DSP: variants seen among roughly 807,000 people sequenced by gnomAD.
DSP encodes desmoplakin, also known as 250/210 kDa paraneoplastic pemphigus antigen.
Under a neutral mutation model 290.6 loss-of-function variants are expected in DSP, and 114 were observed. That is an observed-to-expected ratio of 0.39 (90% CI 0.34 to 0.46). The LOEUF is 0.46. Ranked by LOEUF, DSP falls within the 20% of genes least tolerant of loss-of-function variation. The pLI, the probability that DSP is intolerant of heterozygous loss-of-function variation, is 0.99. For missense variants in DSP, 3,230 were observed against 3,495.8 expected (o/e 0.92, Z 1.92); for synonymous variants, 1,311 against 1,316.4 (o/e 1.00, Z 0.09).
intron 2 of DSP, among the ~76,000 whole-genome samples, chr6:7,556,572 G>C (rs1408885838): frequency 6.6e-6 from 1 of 152,152 alleles, no homozygotes; most frequent in Non-Finnish European, 1.5e-5. Context: ...GTTACATCTG[G>C]CATCTGCCTC....
In DSP at chr6:7,573,008, T is replaced by C. The variant is rs1322228776; in HGVS notation, c.2130+940T>C. ...GGCTGGATGCAGGGGCACATGCCTG[T>C]AATCCCAGCTACTTGCTTGAGCTCA... On this transcript the variant is annotated intron_variant, in intron 15 of 23. Transcript: ENST00000379802. 2.6e-5 allele frequency among the ~76,000 whole-genome samples: 4 copies of C among 152,308 alleles called. No homozygotes were observed. The East Asian group carries it at 7.7e-4, about 29-fold the overall frequency.
Position 7,580,353 on chromosome 6 carries a change from C to G in DSP, c.4163C>G (p.Thr1388Ser). 6.2e-7 allele frequency: 1 copy of G among 1,614,094 alleles called. No individual in the cohort carries two copies. Among genetic ancestry groups the G allele is most frequent in the Non-Finnish European group, 8.5e-7 (1 of 1,180,012 alleles). The stretch of plus-strand genomic sequence containing the variant: ...CTCACCATGCAGAAGGAAGAGGATA[C>G]CAGTGGCTACCGGGCTCAGATAGAC... ...HQLTMQKEEDTSGYRAQIDNL... is the reference protein window; with the variant it reads ...HQLTMQKEEDSSGYRAQIDNL... The change falls in exon 23 of 24, where the codon ACC becomes AGC. Residue 1388 changes from threonine (T) to serine (S), a missense_variant. Physicochemically the swap from Thr to Ser is moderately conservative, Grantham distance 58. Around this residue, in one of 5 missense-constraint regions of DSP, gnomAD observed 1,714 missense variants for 1,844.5 expected, o/e 0.93. Transcript: ENST00000379802. The surrounding 1 kb of genome is among the most constrained non-coding windows in gnomAD (Gnocchi z 4.2).
rs5874101 is a variant in DSP at position 7,551,629 on chromosome 6, C to CA, written c.171-4077dup. ...TGGGCGACAGAGTGAGACTCCTTCT[C>CA]AAAAAAAAAAAACAGGCATGTTTCC... On this transcript the variant is annotated intron_variant, in intron 1 of 23. Transcript: ENST00000379802. Among the ~76,000 whole-genome samples, 187 of 143,450 alleles carry CA rather than the reference C, an allele frequency of 1.3e-3. 1 individual carries two copies. The highest frequency in any genetic ancestry group is 2.5e-3 in the East Asian group (12 of 4,874). 94.1% of individuals were successfully genotyped at this position (143,450 alleles called of 152,430 possible). A position where few individuals can be genotyped will look rare whatever the true frequency, so the allele number is the denominator to read the frequency against.
In DSP at chr6:7,576,384, C is replaced by A; in HGVS notation, c.2721C>A (p.Arg907=). ...GCAAGTGGCTCTATGATGCTAAACGCCGCCAGGATTCCTTAGAATCCATGA... is the reference window on the plus strand; with the variant it reads ...GCAAGTGGCTCTATGATGCTAAACGACGCCAGGATTCCTTAGAATCCATGA... ...AFCKWLYDAK[R]RQDSLESMKF... The change falls in exon 19 of 24, where the codon CGC becomes CGA. Residue 907 remains arginine, a synonymous_variant. Transcript: ENST00000379802. 6.2e-7 allele frequency: 1 copy of A among 1,614,118 alleles called. No homozygotes were observed. The highest frequency in any genetic ancestry group is 8.5e-7 in the Non-Finnish European group (1 of 1,180,018).
In DSP at chr6:7,582,101, T is replaced by C. The variant is rs1208210497; in HGVS notation, c.5379+532T>C. On this transcript the variant is annotated intron_variant, in intron 23 of 23. Transcript: ENST00000379802. This position sits in a 1 kb window ranked among gnomAD's most constrained non-coding sequence, Gnocchi z 4.2. ...TAACCCTTAATTTAAAAATAACTTA[T>C]TTAACTTCTACAGACAATATTTGTG... 6.6e-6 allele frequency among the ~76,000 whole-genome samples: 1 copy of C among 150,878 alleles called. No individual in the cohort carries two copies. The highest frequency in any genetic ancestry group is 1.5e-5 in the Non-Finnish European group (1 of 67,766).
chr6:7,556,324 G>A (rs970748967), intron 2 of DSP, among the ~76,000 whole-genome samples: 3 of 152,122 alleles, frequency 2.0e-5, no homozygotes, highest in South Asian at 2.1e-4. Context: ...AGAACCTTGC[G>A]ATGTTTCTTA....
intron 1 of DSP, among the ~76,000 whole-genome samples, chr6:7,553,254 C>T (rs868030329): frequency 3.9e-5 from 6 of 152,030 alleles, no homozygotes; most frequent in Admixed American, 2.6e-4. Context: ...ACAGGCGTGC[C>T]CCACCCTCAT....
chr6:7,562,517 A>C, intron 4 of DSP, 135 bp from the exon 5 acceptor site: 1 of 1,522,242 alleles, frequency 6.6e-7, no homozygotes, highest in East Asian at 2.3e-5. Context: ...ACCTTTAAAA[A>C]ATATTCTGGC....
intron 14 of DSP, 112 bp from the exon 15 acceptor site, chr6:7,571,730 T>G (rs929076185): frequency 1.1e-5 from 17 of 1,503,384 alleles, no homozygotes; most frequent in Non-Finnish European, 1.6e-5. Context: ...GAATTGATTC[T>G]GAAATTCAAA....
chr6:7,574,089 G>A lies in DSP; in HGVS notation c.2134G>A (p.Val712Met), dbSNP rs397516922. 36 of 1,613,972 alleles carry A rather than the reference G, an allele frequency of 2.2e-5. No homozygotes were observed. In the African/African-American group the frequency reaches 3.9e-4, roughly 17 times the overall value. ...ITVKINELKS[V>M]QNDSQAIAEV... ...AGCTTTCCTTCATTTTTGACAGAGTGTGCAGAATGATTCACAAGCAATTGC... is the reference window on the plus strand; with the variant it reads ...AGCTTTCCTTCATTTTTGACAGAGTATGCAGAATGATTCACAAGCAATTGC... The change falls in exon 16 of 24, where the codon GTG becomes ATG. Residue 712 changes from valine to methionine, a missense_variant. Around this residue, in one of 5 missense-constraint regions of DSP, gnomAD observed 1,714 missense variants for 1,844.5 expected, o/e 0.93. Coordinates refer to ENST00000379802, the MANE Select transcript of DSP (RefSeq NM_004415.4).
intron 1 of DSP, among the ~76,000 whole-genome samples, chr6:7,545,979 G>A (rs1394991871): frequency 1.6e-4 from 25 of 152,186 alleles, no homozygotes; most frequent in Non-Finnish European, 1.2e-4. Context: ...TGAATGCCCC[G>A]GAGAGGGATT....
chr6:7,553,524 G>C (rs1306169543), intron 1 of DSP, among the ~76,000 whole-genome samples: 3 of 152,076 alleles, frequency 2.0e-5, no homozygotes, highest in Non-Finnish European at 2.9e-5. Flanking sequence ...TTCATCCTAG[G>C]GTTCTAAGTG....
rs766335041 is a variant in DSP at position 7,582,949 on chromosome 6, G to C, written c.5687G>C (p.Arg1896Thr). The C allele has an allele frequency of 1.2e-6, 2 of 1,614,058 alleles. No individual in the cohort carries two copies. Among genetic ancestry groups the C allele is most frequent in the Non-Finnish European group, 1.7e-6 (2 of 1,180,018 alleles). Reference protein sequence around the residue: ...EKSEREKNSLRSEIERLQAEI... With the variant: ...EKSEREKNSLTSEIERLQAEI... Reference sequence around the variant, plus strand: ...AGTGAGAGAGAGAAGAACAGTCTTAGGAGTGAGATCGAAAGACTCCAAGCA... The same window carrying C: ...AGTGAGAGAGAGAAGAACAGTCTTACGAGTGAGATCGAAAGACTCCAAGCA... The change falls in exon 24 of 24, where the codon AGG becomes ACG. Residue 1896 changes from arginine to threonine, a missense_variant. Physicochemically the swap from Arg to Thr is moderately conservative, Grantham distance 71 (BLOSUM62 -1). Coordinates refer to ENST00000379802, the MANE Select transcript of DSP (RefSeq NM_004415.4). This position sits in a 1 kb window ranked among gnomAD's most constrained non-coding sequence, Gnocchi z 4.2.
chr6:7,555,619 G>A lies in DSP; in HGVS notation c.171-99G>A, dbSNP rs1432452720. 6.2e-5 allele frequency: 58 copies of A among 937,530 alleles called. 1 individual carries two copies. In the South Asian group the frequency reaches 7.8e-4, roughly 13 times the overall value. 58.1% of individuals were successfully genotyped at this position (937,530 alleles called of 1,614,324 possible). On this transcript the variant is annotated intron_variant, in intron 1 of 23. Transcript: ENST00000379802. ...ATTCCGGGTAAAGGGTCTCACAGGA[G>A]TGGTTTTGTCCCGTTTTTGCAACTT...
In DSP at chr6:7,582,675, T is replaced by G. The variant is rs746731287; in HGVS notation, c.5413T>G (p.Cys1805Gly). The part of the protein sequence containing the change: ...SNRIQESKNQ[C>G]TQVVQERESL... The stretch of plus-strand genomic sequence containing the variant: ...TAGGATTCAGGAATCAAAGAATCAG[T>G]GTACTCAGGTGGTACAGGAAAGAGA... The change falls in exon 24 of 24, where the codon TGT becomes GGT. Residue 1805 changes from cysteine to glycine, a missense_variant. This residue lies in a region of DSP where 1,714 missense variants were observed against 1,844.5 expected (regional missense o/e 0.93). Coordinates refer to ENST00000379802, the MANE Select transcript of DSP (RefSeq NM_004415.4). The surrounding 1 kb of genome is among the most constrained non-coding windows in gnomAD (Gnocchi z 4.2). 2 of 1,613,658 alleles carry G rather than the reference T, an allele frequency of 1.2e-6. No homozygotes were observed. Among genetic ancestry groups the G allele is most frequent in the East Asian group, 2.2e-5 (1 of 44,894 alleles).
In DSP at chr6:7,577,062, A is replaced by C; in HGVS notation, c.2877+20A>C. ...ATTAAGGTATGTTGGTTTCATAAAG[A>C]ATGTTGGTATTTCACCAAGATTATT... On this transcript the variant is annotated intron_variant, in intron 20 of 23. Coordinates refer to ENST00000379802, the MANE Select transcript of DSP (RefSeq NM_004415.4). 6.3e-7 allele frequency: 1 copy of C among 1,587,350 alleles called. No individual in the cohort carries two copies. The highest frequency in any genetic ancestry group is 8.6e-7 in the Non-Finnish European group (1 of 1,160,514).
Position 7,563,743 on chromosome 6 carries a change from A to G in DSP, c.734A>G (p.Lys245Arg). ...CTTTTTGTTGTCTTCTAGCGCGAGAAATCTGCGATCTACCAGTTGGAGGAG... is the reference window on the plus strand; with the variant it reads ...CTTTTTGTTGTCTTCTAGCGCGAGAGATCTGCGATCTACCAGTTGGAGGAG... ...LDKIKADLRE[K>R]SAIYQLEEEY... Residue 245 changes from lysine to arginine, a missense_variant, in exon 6 of 24, where the codon AAA becomes AGA. By Grantham distance (26) the Lys-to-Arg change is conservative. Transcript: ENST00000379802. The G allele has an allele frequency of 6.2e-7, 1 of 1,613,662 alleles. No individual in the cohort carries two copies. Among genetic ancestry groups the G allele is most frequent in the South Asian group, 1.1e-5 (1 of 91,072 alleles).
chr6:7,575,537 G>T (rs1286922585), intron 18 of DSP, 49 bp downstream of exon 18: 1 of 1,608,398 alleles, frequency 6.2e-7, no homozygotes, highest in South Asian at 1.1e-5. Flanking sequence ...CCTTTTGGTT[G>T]TTCACAAGAT....
In DSP at chr6:7,571,390, C is replaced by T. The variant is rs759794503; in HGVS notation, c.1709C>T (p.Thr570Ile). 2.5e-6 allele frequency: 4 copies of T among 1,614,136 alleles called. No individual in the cohort carries two copies. Among genetic ancestry groups the T allele is most frequent in the Non-Finnish European group, 3.4e-6 (4 of 1,180,034 alleles). The part of the protein sequence containing the change: ...IRAMTIAKLK[T>I]MRQEDYMKTI... The stretch of plus-strand genomic sequence containing the variant: ...CTGCCTGTCTCCTTTCAGCTGAAAA[C>T]AATGCGGCAGGAAGATTACATGAAG... Residue 570 changes from threonine (T) to isoleucine (I), a missense_variant, in exon 14 of 24, where the codon ACA (threonine) becomes ATA (isoleucine). Physicochemically the swap from Thr to Ile is moderately conservative, Grantham distance 89. This residue lies in a region of DSP where 81 missense variants were observed against 130.5 expected (regional missense o/e 0.62). Coordinates refer to ENST00000379802, the MANE Select transcript of DSP (RefSeq NM_004415.4).
Sources: allele counts gnomAD v4.1 joint callset (sites outside exome capture counted in the v4.1 genomes callset), GRCh38; gene constraint gnomAD v4.1.1; regional missense constraint gnomAD v4.1.1; non-coding constraint Gnocchi (gnomAD v3.1); transcripts MANE v1.5; gene names NCBI Gene and HGNC (gene_info 2026-07-23, HGNC 2026-07-21).